Variants in DLG2 observed in about 807,000 individuals in gnomAD.
DLG2 encodes the protein disks large homolog 2.
In DLG2, 45 loss-of-function variants were observed where a neutral mutation model predicts 132.5. That is an observed-to-expected ratio of 0.34 (90% CI 0.27 to 0.44). DLG2 has a LOEUF of 0.44. Among genes scored for constraint, DLG2 ranks in the 20% least tolerant of loss-of-function variants. The pLI, the probability that DLG2 is intolerant of heterozygous loss-of-function variation, is 1.00. For synonymous variants in DLG2, 424 were observed against 419.6 expected (o/e 1.01, Z -0.13); for missense variants, 1,045 against 1,196.9 (o/e 0.87, Z 1.87).
intron 11 of DLG2, among the ~76,000 whole-genome samples, chr11:84,052,466 A>G (rs1475815858): frequency 6.6e-6 from 1 of 151,960 alleles, no homozygotes; most frequent in East Asian, 1.9e-4. Flanking sequence ...AAGGTCTAAC[A>G]TCCAGAATCT....
At chr11:84,357,444 C>T (rs985273521) in intron 7 of DLG2, among the ~76,000 whole-genome samples, 4 of 151,966 alleles carry the variant, frequency 2.6e-5, no homozygotes, top group Non-Finnish European at 4.4e-5. Flanking sequence ...ATGTTTTCAC[C>T]GCAGCATTTT....
intron 22 of DLG2, among the ~76,000 whole-genome samples, chr11:83,478,075 T>G (rs1442564734): frequency 6.6e-6 from 1 of 152,114 alleles, no homozygotes; most frequent in African/African-American, 2.4e-5. Context: ...TATTTATATC[T>G]CTCTCCTACT....
chr11:84,896,360 G>A (rs1465685973), intron 6 of DLG2, among the ~76,000 whole-genome samples: 1 of 152,072 alleles, frequency 6.6e-6, no homozygotes, highest in African/African-American at 2.4e-5. Flanking sequence ...TGTTAAAGAT[G>A]TGGATGCTTA....
At chr11:85,485,103 C>T (rs567095007) in intron 3 of DLG2, among the ~76,000 whole-genome samples, 30 of 150,910 alleles carry the variant, frequency 2.0e-4, no homozygotes, top group African/African-American at 5.6e-4. Context: ...ATCGCAAGGA[C>T]AAAAAACCAA....
At chr11:84,404,236 T>C (rs1039372904) in intron 7 of DLG2, among the ~76,000 whole-genome samples, 1 of 152,160 alleles carries the variant, frequency 6.6e-6, no homozygotes, top group Admixed American at 6.5e-5. Flanking sequence ...CATGTATTCA[T>C]CTTTTAATAA....
intron 15 of DLG2, among the ~76,000 whole-genome samples, chr11:83,906,349 A>G (rs12286857): frequency 0.097 from 14,219 of 145,868 alleles, 837 homozygotes; most frequent in Middle Eastern, 0.21. Context: ...TGGGATTACC[A>G]GCACCAGCCA....
intron 4 of DLG2, among the ~76,000 whole-genome samples, chr11:85,275,422 A>G (rs1453513668): frequency 6.6e-6 from 1 of 152,204 alleles, no homozygotes; most frequent in Non-Finnish European, 1.5e-5. Flanking sequence ...CTTACTTTCA[A>G]TGACAGCTGC....
chr11:83,589,423 T>C (rs2097149065), intron 19 of DLG2, among the ~76,000 whole-genome samples: 2 of 151,042 alleles, frequency 1.3e-5, no homozygotes, highest in Admixed American at 6.6e-5. Context: ...TAAAATACTT[T>C]ACAGACAAGC....
chr11:84,627,156 C>T (rs1215566572), intron 6 of DLG2, among the ~76,000 whole-genome samples: 1 of 152,158 alleles, frequency 6.6e-6, no homozygotes. Context: ...CAGCATAAGC[C>T]ACCACTCCCG....
rs1436723158 is a variant in DLG2 at position 84,149,173 on chromosome 11, G to A, written c.624+14288C>T. ...TTTTCTCCCATTCTGTAAGTTGGTTGTTTATTCCCTTGATAGTTTCTCTGG... is the reference window on the plus strand; with the variant it reads ...TTTTCTCCCATTCTGTAAGTTGGTTATTTATTCCCTTGATAGTTTCTCTGG... On this transcript the variant is annotated intron_variant, in intron 9 of 27. Transcript: ENST00000376104. 5.3e-5 allele frequency among the ~76,000 whole-genome samples: 8 copies of A among 152,108 alleles called. 1 individual carries two copies. Among genetic ancestry groups the A allele is most frequent in the Admixed American group, 4.6e-4 (7 of 15,272 alleles).
chr11:83,860,448 G>A (rs577643361), intron 16 of DLG2, among the ~76,000 whole-genome samples: 2 of 152,244 alleles, frequency 1.3e-5, no homozygotes, highest in Admixed American at 6.5e-5. Flanking sequence ...TGACTGCCAC[G>A]CTGGATTTTA....
intron 21 of DLG2, among the ~76,000 whole-genome samples, chr11:83,508,292 A>C (rs2094833787): frequency 6.7e-6 from 1 of 149,710 alleles, no homozygotes; most frequent in East Asian, 2.0e-4. Flanking sequence ...GTTGGAGTGC[A>C]GTGGCACGAT....
chr11:85,144,502 T>C (rs2076714115), intron 5 of DLG2, among the ~76,000 whole-genome samples: 1 of 151,888 alleles, frequency 6.6e-6, no homozygotes, highest in Non-Finnish European at 1.5e-5. Context: ...TCTTCCCTCC[T>C]TCCTTCCTGT....
intron 16 of DLG2, among the ~76,000 whole-genome samples, chr11:83,867,994 G>T (rs943593828): frequency 1.6e-4 from 24 of 152,148 alleles, no homozygotes; most frequent in African/African-American, 5.6e-4. Context: ...TTGAAATGAG[G>T]CTAAGGAAAA....
intron 9 of DLG2, among the ~76,000 whole-genome samples, chr11:84,145,461 G>A (rs983606326): frequency 1.3e-5 from 2 of 152,238 alleles, no homozygotes; most frequent in Non-Finnish European, 2.9e-5. Flanking sequence ...TCCAAACATA[G>A]AAAAGTTACA....
intron 6 of DLG2, among the ~76,000 whole-genome samples, chr11:84,991,690 T>A (rs1566594466): frequency 6.6e-6 from 1 of 152,138 alleles, no homozygotes; most frequent in Non-Finnish European, 1.5e-5. Flanking sequence ...ACTGTCAGTA[T>A]CCTGGTGCTG....
intron 3 of DLG2, among the ~76,000 whole-genome samples, chr11:85,355,089 A>G (rs1447933024): frequency 6.6e-6 from 1 of 152,152 alleles, no homozygotes; most frequent in African/African-American, 2.4e-5. Flanking sequence ...ATCAGGCTTT[A>G]ATGTTATAAT....
chr11:84,423,400 A>C (rs1005258665), intron 7 of DLG2, among the ~76,000 whole-genome samples: 1 of 152,170 alleles, frequency 6.6e-6, no homozygotes, highest in African/African-American at 2.4e-5. Context: ...GCACTTGTCT[A>C]CTGTAACTGA....
At chr11:84,650,873 G>GTGTGTGTGTATATATATATA (rs1424393386) in intron 6 of DLG2, among the ~76,000 whole-genome samples, 1 of 124,008 alleles carries the variant, frequency 8.1e-6, no homozygotes, top group African/African-American at 3.2e-5. Flanking sequence ...GTGTGTGTGT[G>GTGTGTGTGTATATATATATA]TATATATATA....
Sources: gnomAD v4.1 joint callset for allele counts (sites outside exome capture counted in the v4.1 genomes callset) on GRCh38, gnomAD v4.1.1 for gene constraint, MANE v1.5 for transcripts, NCBI Gene and HGNC (gene_info 2026-07-23, HGNC 2026-07-21) for gene names.